The following POMGNT2 variants were observed in gnomAD, a reference collection of about 807,000 sequenced individuals.
POMGNT2 encodes protein O-linked-mannose beta-1,4-N-acetylglucosaminyltransferase 2.
In POMGNT2, 32 loss-of-function variants were observed where a neutral mutation model predicts 37.8. The observed-to-expected ratio is 0.85, with a 90% CI of 0.64 to 1.14. The LOEUF (loss-of-function observed/expected upper bound fraction) is 1.14, where lower values mean the gene tolerates loss of function less well. Among genes scored for constraint, POMGNT2 ranks in the 50% most tolerant of loss-of-function variants. The pLI, the probability that POMGNT2 is intolerant of heterozygous loss-of-function variation, is 0.00. For synonymous variants in POMGNT2, 340 were observed against 336.8 expected, an observed-to-expected ratio of 1.01 and a Z score of -0.10; for missense variants, 705 against 780.6, an observed-to-expected ratio of 0.90 and a Z score of 1.15.
chr3:43,102,763 T>C (rs2090028185), intron 1 of POMGNT2, among the ~76,000 whole-genome samples: 1 of 152,220 alleles, frequency 6.6e-6, no homozygotes, highest in African/African-American at 2.4e-5. Context: ...TGAACCTGCC[T>C]CTCACTAAGG....
chr3:43,095,429 A>G (rs2089972842), intron 1 of POMGNT2, among the ~76,000 whole-genome samples: 2 of 152,224 alleles, frequency 1.3e-5, no homozygotes, highest in South Asian at 4.1e-4. Flanking sequence ...GGTCTTTGAC[A>G]TGAGCCATTC....
chr3:43,093,863 ATC>A (rs2089961383), intron 1 of POMGNT2, among the ~76,000 whole-genome samples: 1 of 152,190 alleles, frequency 6.6e-6, no homozygotes, highest in Non-Finnish European at 1.5e-5. Flanking sequence ...CTGAATACAA[ATC>A]ATCTACTTGT....
chr3:43,082,094 G>C (rs1035267628), intron 1 of POMGNT2, among the ~76,000 whole-genome samples: 1 of 152,200 alleles, frequency 6.6e-6, no homozygotes, highest in Non-Finnish European at 1.5e-5. Flanking sequence ...CTGAAATTCT[G>C]GGGCTGTTTG....
chr3:43,085,831 T>A (rs989038298), intron 1 of POMGNT2, among the ~76,000 whole-genome samples: 1 of 152,148 alleles, frequency 6.6e-6, no homozygotes, highest in Non-Finnish European at 1.5e-5. Context: ...CAAGCTTCCT[T>A]GGGGCTTTGT....
intron 1 of POMGNT2, among the ~76,000 whole-genome samples, chr3:43,083,962 C>T (rs1476753668): frequency 6.6e-6 from 1 of 152,160 alleles, no homozygotes; most frequent in Non-Finnish European, 1.5e-5. Flanking sequence ...CTGATTTTAG[C>T]TTCATTCCTA....
At position 43,081,122 on chromosome 3, in the gene POMGNT2, G is replaced by C; in HGVS notation, c.310C>G (p.Leu104Val). The change falls in exon 2 of 2, where the codon CTG (leucine) becomes GTG (valine). Residue 104 changes from leucine to valine, a missense_variant. By Grantham distance (32) the Leu-to-Val change is conservative. Coordinates refer to ENST00000344697, the MANE Select transcript of POMGNT2 (RefSeq NM_032806.6). ...IFFHGNTSVMLPNLGSRRFQP... is the reference protein window; with the variant it reads ...IFFHGNTSVMVPNLGSRRFQP... ...AAGCGCCGGGAGCCCAGGTTGGGCA[G>C]CATGACAGAGGTGTTGCCATGGAAG... is the stretch of plus-strand genomic sequence containing the variant. 1 of 1,614,252 alleles carries C rather than the reference G, an allele frequency of 6.2e-7. No individual in the cohort carries two copies. Among genetic ancestry groups the C allele is most frequent in the Non-Finnish European group, 8.5e-7 (1 of 1,180,046 alleles).
chr3:43,086,900 G>T (rs774944334), intron 1 of POMGNT2, among the ~76,000 whole-genome samples: 2 of 152,160 alleles, frequency 1.3e-5, no homozygotes, highest in Non-Finnish European at 2.9e-5. Context: ...TTGGAAAAAG[G>T]CTCTTTGCAC....
intron 1 of POMGNT2, among the ~76,000 whole-genome samples, chr3:43,096,428 A>G (rs890037854): frequency 2.1e-4 from 32 of 152,252 alleles, no homozygotes; most frequent in African/African-American, 7.7e-4. Context: ...CAACATTAAG[A>G]GGCTAACACT....
chr3:43,087,868 AAAGACTTGG>A (rs1240518611), intron 1 of POMGNT2: 1 of 152,198 alleles, frequency 6.6e-6, no homozygotes, highest in Non-Finnish European at 1.5e-5. Context: ...AAAAAGACAG[AAAGACTTGG>A]GTTCAAACCC....
Position 43,079,453 on chromosome 3 carries a change from G to A in POMGNT2, c.*236C>T. 2.0e-6 allele frequency: 1 copy of A among 495,912 alleles called. No homozygotes were observed. The highest frequency in any genetic ancestry group is 3.5e-6 in the Non-Finnish European group (1 of 282,418). The allele number at this position is 495,912 out of a possible 1,614,324, so 30.7% of individuals were successfully genotyped here. A position where few individuals can be genotyped will look rare whatever the true frequency, so the allele number is the denominator to read the frequency against. On this transcript the variant is annotated 3_prime_UTR_variant, in exon 2 of 2. Coordinates refer to ENST00000344697, the MANE Select transcript of POMGNT2 (RefSeq NM_032806.6). ...TCCTCCTCTCCTCTTCCTCCTCCCTGCTAAGGAACTTCTCCAGGGGTACAA... is the reference window on the plus strand; with the variant it reads ...TCCTCCTCTCCTCTTCCTCCTCCCTACTAAGGAACTTCTCCAGGGGTACAA...
At chr3:43,097,679 G>A (rs1252625012) in intron 1 of POMGNT2, among the ~76,000 whole-genome samples, 2 of 151,796 alleles carry the variant, frequency 1.3e-5, no homozygotes, top group South Asian at 2.1e-4. Context: ...ATCACAGGGG[G>A]GTTAGATCTT....
At position 43,079,537 on chromosome 3, in the gene POMGNT2, C is replaced by A. The variant is rs78518984; in HGVS notation, c.*152G>T. ...CTTATCTCTAGGGCAAAGAGGAGTG[C>A]TGTGACACCACACCCCAGAGACAAC... On this transcript the variant is annotated 3_prime_UTR_variant, in exon 2 of 2. Transcript: ENST00000344697. The A allele has an allele frequency of 6.4e-3, 4,248 of 663,854 alleles. 140 individuals carry two copies. The African/African-American group carries it at 0.069, about 11-fold the overall frequency. 41.1% of individuals were successfully genotyped at this position (663,854 alleles called of 1,614,324 possible).
At chr3:43,082,051 C>T (rs2089861092) in intron 1 of POMGNT2, among the ~76,000 whole-genome samples, 1 of 152,224 alleles carries the variant, frequency 6.6e-6, no homozygotes, top group African/African-American at 2.4e-5. Flanking sequence ...AACACATAGA[C>T]ATCAGGGCTG....
chr3:43,100,280 A>G (rs2090008588), intron 1 of POMGNT2, among the ~76,000 whole-genome samples: 2 of 152,246 alleles, frequency 1.3e-5, no homozygotes. Context: ...TATCAATTTA[A>G]AAACAATATA....
Position 43,079,671 on chromosome 3 carries a change from C to G in POMGNT2, c.*18G>C. Reference sequence around the variant, plus strand: ...ACTGCAGGAGCCACCTTCCCGAGGCCAGGCTGTGGCCTGCTCGCTACGTGT... The same window carrying G: ...ACTGCAGGAGCCACCTTCCCGAGGCGAGGCTGTGGCCTGCTCGCTACGTGT... On this transcript the variant is annotated 3_prime_UTR_variant, in exon 2 of 2. Transcript: ENST00000344697. 1 of 1,594,306 alleles carries G rather than the reference C, an allele frequency of 6.3e-7. No homozygotes were observed. The highest frequency in any genetic ancestry group is 8.6e-7 in the Non-Finnish European group (1 of 1,168,820).
chr3:43,103,416 C>T (rs180769040), intron 1 of POMGNT2, among the ~76,000 whole-genome samples: 4 of 152,254 alleles, frequency 2.6e-5, no homozygotes, highest in African/African-American at 7.2e-5. Flanking sequence ...CCAGATCCCA[C>T]CCAGCCTGCA....
At chr3:43,092,217 C>G (rs2089949223) in intron 1 of POMGNT2, among the ~76,000 whole-genome samples, 1 of 152,018 alleles carries the variant, frequency 6.6e-6, no homozygotes, top group Non-Finnish European at 1.5e-5. Flanking sequence ...TTTTGTAAGT[C>G]TAAAATGTAT....
chr3:43,081,113 G>C lies in POMGNT2; in HGVS notation c.319C>G (p.Leu107Val), dbSNP rs2089850486. 2 of 1,614,252 alleles carry C rather than the reference G, an allele frequency of 1.2e-6. No individual in the cohort carries two copies. The highest frequency in any genetic ancestry group is 1.7e-6 in the Non-Finnish European group (2 of 1,180,050). The part of the protein sequence containing the change: ...HGNTSVMLPN[L>V]GSRRFQPALL... Reference sequence around the variant, plus strand: ...GCTGGCTGGAAGCGCCGGGAGCCCAGGTTGGGCAGCATGACAGAGGTGTTG... The same window carrying C: ...GCTGGCTGGAAGCGCCGGGAGCCCACGTTGGGCAGCATGACAGAGGTGTTG... Residue 107 changes from leucine (L) to valine (V), a missense_variant, in exon 2 of 2, where the codon CTG (leucine) becomes GTG (valine). Coordinates refer to ENST00000344697, the MANE Select transcript of POMGNT2 (RefSeq NM_032806.6).
At chr3:43,086,842 C>T (rs1043230312) in intron 1 of POMGNT2, among the ~76,000 whole-genome samples, 5 of 152,158 alleles carry the variant, frequency 3.3e-5, no homozygotes, top group African/African-American at 4.8e-5. Flanking sequence ...AGAGGTGACT[C>T]CCACTCAGGC....
Sources: gnomAD v4.1 joint callset for allele counts (sites outside exome capture counted in the v4.1 genomes callset) on GRCh38, gnomAD v4.1.1 for gene constraint, MANE v1.5 for transcripts, NCBI Gene and HGNC (gene_info 2026-07-23, HGNC 2026-07-21) for gene names.